Variants in NOTCH2 observed in about 807,000 individuals in gnomAD.
NOTCH2 encodes the protein notch receptor 2.
NOTCH2 carries 29 observed loss-of-function variants against 235.8 expected under a neutral mutation model. The observed-to-expected ratio is 0.12, with a 90% CI of 0.09 to 0.17. The LOEUF (loss-of-function observed/expected upper bound fraction) is 0.17. Among genes scored for constraint, NOTCH2 ranks in the 10% least tolerant of loss-of-function variants. The pLI is 1.00. For missense variants in NOTCH2, 2,285 were observed against 3,150.2 expected, an observed-to-expected ratio of 0.73 and a Z score of 6.57; for synonymous variants, 1,086 against 1,141.5, an observed-to-expected ratio of 0.95 and a Z score of 0.98.
chr1:119,999,621 C>T (rs1652628515), intron 3 of NOTCH2, among the ~76,000 whole-genome samples: 1 of 151,848 alleles, frequency 6.6e-6, no homozygotes, highest in Non-Finnish European at 1.5e-5. Context: ...GTGGCTGATG[C>T]CTGTAATCCC....
At position 120,000,399 on chromosome 1, in the gene NOTCH2, C is replaced by T. The variant is rs1206339762; in HGVS notation, c.416-3067G>A. ...AAATACAAAAATTAGCCGGGCATGG[C>T]GGTAGGTGCCTGTAGTCCCAGCTAC... On this transcript the variant is annotated intron_variant, in intron 3 of 33. Transcript: ENST00000256646. Among the ~76,000 whole-genome samples the T allele has an allele frequency of 6.0e-5, 9 of 150,604 alleles. No individual in the cohort carries two copies. In the East Asian group the frequency reaches 7.8e-4, roughly 13 times the overall value.
intron 2 of NOTCH2, among the ~76,000 whole-genome samples, chr1:120,008,731 T>A (rs1553206530): frequency 6.6e-6 from 1 of 152,012 alleles, no homozygotes; most frequent in African/African-American, 2.4e-5. Flanking sequence ...ATCAACCTTA[T>A]TAGTTTCCAC....
intron 1 of NOTCH2, among the ~76,000 whole-genome samples, chr1:120,067,241 C>CA (rs11390758): frequency 0.076 from 9,634 of 126,780 alleles, 601 homozygotes; most frequent in African/African-American, 0.18. Context: ...TACCGAGAAA[C>CA]GGCTTCTAAA....
At chr1:119,933,099 AAAATGAG>A (rs1553195364) in intron 22 of NOTCH2, among the ~76,000 whole-genome samples, 103 of 152,340 alleles carry the variant, frequency 6.8e-4, no homozygotes, top group Non-Finnish European at 1.2e-3. Flanking sequence ...GATTGCTAGT[AAAATGAG>A]CATAAATGCA....
chr1:119,965,686 T>C, intron 9 of NOTCH2, 120 bp from the exon 10 acceptor site: 2 of 793,328 alleles, frequency 2.5e-6, no homozygotes, highest in South Asian at 2.7e-5. Flanking sequence ...CTATGCTTTA[T>C]TATTCTCCCC....
In NOTCH2 at chr1:119,912,616, A is replaced by G. The variant is rs1041352941; in HGVS notation, c.*2690T>C. The stretch of plus-strand genomic sequence containing the variant: ...AAAACCTATCCCCAAAGGCAGGCAG[A>G]AGAGGAGTCAAAGAAAGAAAGCATT... On this transcript the variant is annotated 3_prime_UTR_variant, in exon 34 of 34. Coordinates refer to ENST00000256646, the MANE Select transcript of NOTCH2 (RefSeq NM_024408.4). 4 of 233,066 alleles carry G rather than the reference A, an allele frequency of 1.7e-5. No individual in the cohort carries two copies. Among genetic ancestry groups the G allele is most frequent in the Non-Finnish European group, 2.5e-5 (3 of 118,024 alleles). The allele number at this position is 233,066 out of a possible 1,614,324, so 14.4% of individuals were successfully genotyped here. A position where few individuals can be genotyped will look rare whatever the true frequency, so the allele number is the denominator to read the frequency against.
chr1:119,911,959 G>A lies in NOTCH2; in HGVS notation c.*3347C>T, dbSNP rs1010704876. On this transcript the variant is annotated 3_prime_UTR_variant, in exon 34 of 34. Coordinates refer to ENST00000256646, the MANE Select transcript of NOTCH2 (RefSeq NM_024408.4). ...TGCTAGGCTTTGTGGGATTCAGAAA[G>A]AAAAGAAAATTTGCTCTCTCAGCAA... is the stretch of plus-strand genomic sequence containing the variant. 2 of 233,218 alleles carry A rather than the reference G, an allele frequency of 8.6e-6. No individual in the cohort carries two copies. The highest frequency in any genetic ancestry group is 5.6e-5 in the Admixed American group (1 of 17,774). 14.4% of individuals were successfully genotyped at this position (233,218 alleles called of 1,614,324 possible).
intron 17 of NOTCH2, among the ~76,000 whole-genome samples, chr1:119,942,294 C>G (rs782532984): frequency 6.6e-6 from 1 of 152,090 alleles, no homozygotes; most frequent in Non-Finnish European, 1.5e-5. Context: ...ACACTTTATA[C>G]TCATAGTAAG....
intron 19 of NOTCH2, among the ~76,000 whole-genome samples, chr1:119,939,964 C>T (rs1553196260): frequency 1.3e-5 from 2 of 152,196 alleles, no homozygotes; most frequent in Non-Finnish European, 1.5e-5. Flanking sequence ...AAACACAGGG[C>T]TGTTTGGTAT....
intron 13 of NOTCH2, among the ~76,000 whole-genome samples, chr1:119,954,145 T>C (rs1553198149): frequency 6.6e-6 from 1 of 152,214 alleles, no homozygotes; most frequent in African/African-American, 2.4e-5. Flanking sequence ...TCATGCTTTG[T>C]CTTGACCTAA....
chr1:119,941,820 G>T, intron 17 of NOTCH2, 66 bp from the exon 18 acceptor site: 1 of 1,256,932 alleles, frequency 8.0e-7, no homozygotes, highest in Non-Finnish European at 1.2e-6. Flanking sequence ...ATTCATAAAA[G>T]TGAATGACCT....
chr1:119,929,306 A>G, intron 22 of NOTCH2, 94 bp from the exon 23 acceptor site: 1 of 1,003,140 alleles, frequency 1.0e-6, no homozygotes, highest in East Asian at 2.4e-5. Flanking sequence ...TTCACAATGA[A>G]TCAGAGTATA....
intron 5 of NOTCH2, 68 bp from the exon 6 acceptor site, chr1:119,969,812 C>A: frequency 7.6e-7 from 1 of 1,323,016 alleles, no homozygotes; most frequent in Non-Finnish European, 1.1e-6. Flanking sequence ...TACCAGCCCC[C>A]CACACTCTTC....
chr1:119,929,768 A>G (rs1390775185), intron 22 of NOTCH2, among the ~76,000 whole-genome samples: 2 of 152,222 alleles, frequency 1.3e-5, no homozygotes, highest in Non-Finnish European at 2.9e-5. Context: ...TTAGGTGTAC[A>G]GTATTTACAA....
chr1:119,935,916 G>A (rs1313456462), intron 21 of NOTCH2, among the ~76,000 whole-genome samples: 1 of 152,192 alleles, frequency 6.6e-6, no homozygotes, highest in Non-Finnish European at 1.5e-5. Flanking sequence ...CCTGGGTACA[G>A]GTTTCCTCAT....
intron 1 of NOTCH2, among the ~76,000 whole-genome samples, chr1:120,048,437 C>CA (rs1440508787): frequency 3.2e-5 from 4 of 124,454 alleles, no homozygotes; most frequent in Non-Finnish European, 6.3e-5. Context: ...TAGACAGGCC[C>CA]AATACCACTT....
At position 119,926,553 on chromosome 1, in the gene NOTCH2, C is replaced by A; in HGVS notation, c.3951G>T (p.Gly1317=). ...VCPQMPCLNG[G]TCAVASNMPD... is the part of the protein sequence containing the mutation. The stretch of plus-strand genomic sequence containing the variant: ...GCATGTTACTGGCCACAGCACAAGT[C>A]CCTCCATTCAGGCAGGGCATCTGGG... Residue 1317 remains glycine (G), a synonymous_variant, in exon 24 of 34, where the codon GGG becomes GGT. Coordinates refer to ENST00000256646, the MANE Select transcript of NOTCH2 (RefSeq NM_024408.4). The A allele has an allele frequency of 6.2e-7, 1 of 1,609,922 alleles. No homozygotes were observed. The highest frequency in any genetic ancestry group is 1.1e-5 in the South Asian group (1 of 90,112).
intron 25 of NOTCH2, 107 bp from the exon 26 acceptor site, chr1:119,924,091 GC>G: frequency 1.0e-6 from 1 of 979,076 alleles, no homozygotes; most frequent in Non-Finnish European, 1.6e-6. Context: ...ATTTTCTGTG[GC>G]CCACACCCAG....
At position 120,000,602 on chromosome 1, in the gene NOTCH2, CA is replaced by C. The variant is rs781922368; in HGVS notation, c.416-3271del. 5.0e-4 allele frequency among the ~76,000 whole-genome samples: 69 copies of C among 138,288 alleles called. 2 individuals carry two copies. In the East Asian group the frequency reaches 0.014, roughly 28 times the overall value. 90.7% of individuals were successfully genotyped at this position (138,288 alleles called of 152,430 possible). On this transcript the variant is annotated intron_variant, in intron 3 of 33. Coordinates refer to ENST00000256646, the MANE Select transcript of NOTCH2 (RefSeq NM_024408.4). ...ACCAAGAAGAGATCCTTCTTAACAA[CA>C]AAGGAAGAAGTTTTAATTTGGGACC...
Sources: gnomAD v4.1 joint callset for allele counts (sites outside exome capture counted in the v4.1 genomes callset) on GRCh38, gnomAD v4.1.1 for gene constraint, MANE v1.5 for transcripts, NCBI Gene and HGNC (gene_info 2026-07-23, HGNC 2026-07-21) for gene names.